RALGAPA2: variants seen among roughly 807,000 people sequenced by gnomAD.
RALGAPA2 encodes the protein ral GTPase-activating protein subunit alpha-2.
Under a neutral mutation model 230.4 loss-of-function variants are expected in RALGAPA2, and 139 were observed. That is an observed-to-expected ratio of 0.60 (90% CI 0.53 to 0.69). The LOEUF is 0.69. Among genes scored for constraint, RALGAPA2 ranks in the 30% least tolerant of loss-of-function variants. The pLI is 0.00. For missense variants in RALGAPA2, 2,163 were observed against 2,276.0 expected (o/e 0.95, Z 1.01); for synonymous variants, 847 against 837.8 (o/e 1.01, Z -0.19).
chr20:20,411,734 C>G (rs1452279548), intron 38 of RALGAPA2, among the ~76,000 whole-genome samples: 1 of 152,200 alleles, frequency 6.6e-6, no homozygotes, highest in Non-Finnish European at 1.5e-5. Context: ...ATATTCCCAG[C>G]TCAGCAAGAA....
intron 37 of RALGAPA2, among the ~76,000 whole-genome samples, chr20:20,422,282 C>T (rs1042243038): frequency 6.6e-6 from 1 of 152,130 alleles, no homozygotes; most frequent in Non-Finnish European, 1.5e-5. Flanking sequence ...ACGCTATGGT[C>T]TGTGAATTAT....
chr20:20,694,609 G>A (rs1233028601), intron 1 of RALGAPA2, among the ~76,000 whole-genome samples: 3 of 152,142 alleles, frequency 2.0e-5, no homozygotes, highest in African/African-American at 7.2e-5. Context: ...TGGGTGATAG[G>A]GAATTTTGTT....
chr20:20,396,784 C>T, intron 38 of RALGAPA2, 50 bp from the exon 39 acceptor site: 2 of 1,116,322 alleles, frequency 1.8e-6, no homozygotes, highest in Non-Finnish European at 1.3e-6. Flanking sequence ...AACACCCCCA[C>T]AGCTCCAACT....
intron 37 of RALGAPA2, among the ~76,000 whole-genome samples, chr20:20,426,730 A>T (rs2060389935): frequency 6.6e-6 from 1 of 152,234 alleles, no homozygotes. Context: ...CAAAGGAAAA[A>T]GTCCCTGTTC....
At chr20:20,426,905 T>G (rs1239310881) in intron 37 of RALGAPA2, among the ~76,000 whole-genome samples, 2 of 152,228 alleles carry the variant, frequency 1.3e-5, no homozygotes, top group African/African-American at 4.8e-5. Context: ...GGTTGAAGTT[T>G]TATAGGCTCT....
At chr20:20,413,283 A>G (rs2060099516) in intron 37 of RALGAPA2, among the ~76,000 whole-genome samples, 1 of 152,338 alleles carries the variant, frequency 6.6e-6, no homozygotes, top group Non-Finnish European at 1.5e-5. Context: ...GTTGGTGACA[A>G]TTATGTCCTT....
chr20:20,634,571 C>A (rs184094591), intron 9 of RALGAPA2, among the ~76,000 whole-genome samples: 1 of 152,160 alleles, frequency 6.6e-6, no homozygotes, highest in Non-Finnish European at 1.5e-5. Context: ...CCTTGAAGCA[C>A]AAGAGCCACT....
intron 16 of RALGAPA2, among the ~76,000 whole-genome samples, chr20:20,593,868 C>T (rs1029843594): frequency 1.1e-4 from 16 of 152,252 alleles, no homozygotes; most frequent in Non-Finnish European, 1.6e-4. Flanking sequence ...GTCCTCAACA[C>T]AGCAGACGGA....
rs760969209 is a variant in RALGAPA2 at position 20,640,728 on chromosome 20, T to C, written c.523A>G (p.Ile175Val). Residue 175 changes from isoleucine (I) to valine (V), a missense_variant, in exon 6 of 40, where the codon ATC (isoleucine) becomes GTC (valine). Transcript: ENST00000202677. ...SRGPCTLETL[I>V]NPSPSVADVK... ...TCAGCTACACTAGGGCTGGGATTGA[T>C]GAGTGTCTCCAGTGTGCAAGGGCCC... The C allele has an allele frequency of 1.2e-6, 2 of 1,613,758 alleles. No individual in the cohort carries two copies. Among genetic ancestry groups the C allele is most frequent in the Non-Finnish European group, 1.7e-6 (2 of 1,179,778 alleles).
intron 4 of RALGAPA2, among the ~76,000 whole-genome samples, chr20:20,648,730 G>C (rs1445637870): frequency 6.6e-6 from 1 of 151,998 alleles, no homozygotes. Context: ...ATGGGGGATG[G>C]GGGGAAGGCA....
At chr20:20,404,310 G>C (rs950243715) in intron 38 of RALGAPA2, among the ~76,000 whole-genome samples, 2 of 152,198 alleles carry the variant, frequency 1.3e-5, no homozygotes, top group African/African-American at 2.4e-5. Context: ...TGGGCAAAAA[G>C]GAACCGGCAG....
At position 20,539,567 on chromosome 20, in the gene RALGAPA2, A is replaced by G. The variant is rs145825749; in HGVS notation, c.3286-2783T>C. ...TACACAAATACATTATAAAATGATTACCACAAACAAGTGAATTAATATATC... is the reference window on the plus strand; with the variant it reads ...TACACAAATACATTATAAAATGATTGCCACAAACAAGTGAATTAATATATC... On this transcript the variant is annotated intron_variant, in intron 24 of 39. Transcript: ENST00000202677. 3.8e-3 allele frequency among the ~76,000 whole-genome samples: 577 copies of G among 152,358 alleles called. 2 individuals carry two copies. Among genetic ancestry groups the G allele is most frequent in the African/African-American group, 0.013 (544 of 41,578 alleles).
intron 38 of RALGAPA2, among the ~76,000 whole-genome samples, chr20:20,409,127 T>A (rs1400596073): frequency 6.6e-6 from 1 of 152,186 alleles, no homozygotes; most frequent in African/African-American, 2.4e-5. Context: ...GCAGGGCTTG[T>A]TGGGCGGATG....
chr20:20,547,245 T>C (rs1389362404), intron 23 of RALGAPA2, among the ~76,000 whole-genome samples: 4 of 152,236 alleles, frequency 2.6e-5, no homozygotes, highest in African/African-American at 9.6e-5. Flanking sequence ...TAAAATATCT[T>C]AAAGTAGGCA....
intron 37 of RALGAPA2, among the ~76,000 whole-genome samples, chr20:20,448,792 G>A (rs567714972): frequency 1.3e-5 from 2 of 151,374 alleles, no homozygotes; most frequent in South Asian, 4.2e-4. Flanking sequence ...TTTACTCTCA[G>A]TGAAGAGAAT....
At chr20:20,608,490 G>GA (rs140316503) in intron 14 of RALGAPA2, among the ~76,000 whole-genome samples, 243 of 147,550 alleles carry the variant, frequency 1.6e-3, no homozygotes, top group African/African-American at 5.5e-3. Flanking sequence ...TCTACTGACA[G>GA]AAAAAAAAAC....
At chr20:20,599,479 G>A (rs77157181) in intron 16 of RALGAPA2, among the ~76,000 whole-genome samples, 1 of 152,078 alleles carries the variant, frequency 6.6e-6, no homozygotes, top group Admixed American at 6.6e-5. Context: ...AATGAACATA[G>A]GAGGAAAACG....
At chr20:20,710,733 T>A (rs1314845631) in intron 1 of RALGAPA2, among the ~76,000 whole-genome samples, 1 of 152,256 alleles carries the variant, frequency 6.6e-6, no homozygotes. Flanking sequence ...CAATGTACTG[T>A]GTGCTAAGAA....
chr20:20,551,570 C>T (rs1355636291), intron 23 of RALGAPA2, among the ~76,000 whole-genome samples: 1 of 152,300 alleles, frequency 6.6e-6, no homozygotes, highest in East Asian at 1.9e-4. Context: ...TATCACTGAT[C>T]TTGCAAAAAA....
Sources: gnomAD v4.1 joint callset for allele counts (sites outside exome capture counted in the v4.1 genomes callset) on GRCh38, gnomAD v4.1.1 for gene constraint, MANE v1.5 for transcripts, NCBI Gene and HGNC (gene_info 2026-07-23, HGNC 2026-07-21) for gene names.